USP28: variants seen among roughly 807,000 people sequenced by gnomAD.
USP28 encodes ubiquitin specific peptidase 28.
USP28 carries 113 observed loss-of-function variants against 145.0 expected under a neutral mutation model. The observed-to-expected ratio is 0.78, with a 90% CI of 0.67 to 0.91. The LOEUF (loss-of-function observed/expected upper bound fraction) is 0.91, where lower values mean the gene tolerates loss of function less well. Among genes scored for constraint, USP28 ranks in the 40% least tolerant of loss-of-function variants. The pLI is 0.00. For synonymous variants in USP28, 447 were observed against 450.9 expected (o/e 0.99, Z 0.11); for missense variants, 1,201 against 1,289.6 (o/e 0.93, Z 1.05).
intron 3 of USP28, 98 bp downstream of exon 3, chr11:113,852,403 T>C: frequency 4.8e-6 from 7 of 1,472,068 alleles, no homozygotes; most frequent in Non-Finnish European, 6.5e-6. Flanking sequence ...ACTATTATTT[T>C]CAAAGGGCTG....
chr11:113,828,099 T>A (rs1943579053), intron 10 of USP28, among the ~76,000 whole-genome samples: 1 of 152,240 alleles, frequency 6.6e-6, no homozygotes, highest in South Asian at 2.1e-4. Flanking sequence ...TCAATTCACC[T>A]GTATGTCTGA....
At chr11:113,866,164 C>T (rs970963024) in intron 1 of USP28, among the ~76,000 whole-genome samples, 8 of 152,074 alleles carry the variant, frequency 5.3e-5, no homozygotes, top group South Asian at 2.1e-4. Flanking sequence ...TGTTGGCACG[C>T]GCCTGTAATC....
At position 113,834,329 on chromosome 11, in the gene USP28, A is replaced by C. The variant is rs201169155; in HGVS notation, c.541T>G (p.Phe181Val). 41 of 1,607,822 alleles carry C rather than the reference A, an allele frequency of 2.6e-5. No homozygotes were observed. In the Middle Eastern group the frequency reaches 4.9e-4, roughly 19 times the overall value. ...AGTCTTCGAAATTCAGGCAATTGAAAGAGAGACTGAAATAAAGAAAGAAAG... is the reference window on the plus strand; with the variant it reads ...AGTCTTCGAAATTCAGGCAATTGAACGAGAGACTGAAATAAAGAAAGAAAG... Residue 181 changes from phenylalanine (F) to valine (V), a missense_variant, in exon 6 of 25, where the codon TTT (phenylalanine) becomes GTT (valine). Physicochemically the swap from Phe to Val is conservative, Grantham distance 50. Coordinates refer to ENST00000003302, the Ensembl canonical transcript of USP28.
intron 10 of USP28, among the ~76,000 whole-genome samples, chr11:113,828,105 T>C (rs1030691825): frequency 6.6e-6 from 1 of 152,244 alleles, no homozygotes; most frequent in African/African-American, 2.4e-5. Flanking sequence ...CACCTGTATG[T>C]CTGAGGTTCC....
At chr11:113,864,459 C>G (rs1948069500) in intron 1 of USP28, among the ~76,000 whole-genome samples, 1 of 152,016 alleles carries the variant, frequency 6.6e-6, no homozygotes, top group Non-Finnish European at 1.5e-5. Context: ...GCTGGAGAAC[C>G]AGGAGACCAG....
At chr11:113,797,943 A>G (rs1938210516) in exon 25 of USP28, 2 of 152,424 alleles carry the variant, frequency 1.3e-5, no homozygotes, top group African/African-American at 2.4e-5. Context: ...CCCTTTCATG[A>G]TTCCATTAAT....
chr11:113,854,302 T>C, exon 2 of USP28: 1 of 1,614,118 alleles, frequency 6.2e-7, no homozygotes, highest in Non-Finnish European at 8.5e-7. Context: ...ATGCCTGTGA[T>C]TTCTCTCAGT....
chr11:113,830,992 G>A, intron 8 of USP28, 49 bp from the exon 9 acceptor site: 3 of 1,594,332 alleles, frequency 1.9e-6, no homozygotes, highest in Non-Finnish European at 2.6e-6. Context: ...ATTAAGATAT[G>A]TGCTACATAA....
At position 113,799,303 on chromosome 11, in the gene USP28, T is replaced by C. The variant is rs150002191; in HGVS notation, c.3171A>G (p.Leu1057=). ...CCATGACAGCTGCAAATCGGCTACA[T>C]AGGTCATAGGGAGAATTGGGTCGAA... Residue 1057 remains leucine, a synonymous_variant, in exon 25 of 25, where the codon CTA becomes CTG. Coordinates refer to ENST00000003302, the Ensembl canonical transcript of USP28. 2.8e-4 allele frequency: 451 copies of C among 1,614,148 alleles called. 2 individuals are homozygous for C. Among genetic ancestry groups the C allele is most frequent in the African/African-American group, 1.7e-3 (128 of 75,050 alleles).
At chr11:113,801,432 A>C in intron 24 of USP28, 51 bp downstream of exon 25, 1 of 1,439,136 alleles carries the variant, frequency 6.9e-7, no homozygotes, top group South Asian at 1.6e-5. Context: ...GAGAACACTG[A>C]AATTTCTACA....
intron 16 of USP28, among the ~76,000 whole-genome samples, chr11:113,810,209 T>A (rs1940752095): frequency 6.6e-6 from 1 of 152,098 alleles, no homozygotes; most frequent in Non-Finnish European, 1.5e-5. Context: ...TTCAAAAAGG[T>A]TAGAGATGAA....
At chr11:113,811,766 G>A (rs1591523173) in intron 16 of USP28, among the ~76,000 whole-genome samples, 1 of 151,366 alleles carries the variant, frequency 6.6e-6, no homozygotes, top group South Asian at 2.1e-4. Context: ...ATAAGATGGG[G>A]CAAGAAAAAA....
intron 3 of USP28, among the ~76,000 whole-genome samples, chr11:113,845,423 A>G (rs1202286202): frequency 1.3e-5 from 2 of 150,650 alleles, no homozygotes; most frequent in Admixed American, 6.7e-5. Flanking sequence ...GCGAAAGGTA[A>G]AGACCCTGTC....
chr11:113,808,240 T>C (rs1940359527), intron 18 of USP28, 58 bp downstream of exon 18: 2 of 1,580,908 alleles, frequency 1.3e-6, no homozygotes, highest in African/African-American at 1.4e-5. Flanking sequence ...GTGAGAAAAC[T>C]GGCCATCGCT....
exon 16 of USP28, chr11:113,812,402 A>C (rs768994651): frequency 6.2e-7 from 1 of 1,614,112 alleles, no homozygotes; most frequent in Admixed American, 1.7e-5. Flanking sequence ...ATGTCATTGT[A>C]CTTGAGCCAG....
intron 1 of USP28, among the ~76,000 whole-genome samples, chr11:113,869,316 C>A (rs1159237877): frequency 6.6e-6 from 1 of 152,204 alleles, no homozygotes; most frequent in Non-Finnish European, 1.5e-5. Context: ...GTAATCCCAG[C>A]TACTTGGGAG....
chr11:113,827,163 T>A, intron 11 of USP28, 70 bp downstream of exon 11: 1 of 1,534,454 alleles, frequency 6.5e-7, no homozygotes, highest in Non-Finnish European at 8.8e-7. Context: ...CTACGCACAC[T>A]ATACTTAGTA....
At chr11:113,808,215 C>T in intron 18 of USP28, 79 bp from the exon 19 acceptor site, 1 of 1,561,142 alleles carries the variant, frequency 6.4e-7, no homozygotes, top group Non-Finnish European at 8.6e-7. Flanking sequence ...AGCAGAGACA[C>T]AGAATAATAG....
chr11:113,815,681 G>A (rs569491364), intron 13 of USP28, among the ~76,000 whole-genome samples: 8 of 152,196 alleles, frequency 5.3e-5, no homozygotes, highest in East Asian at 1.9e-4. Flanking sequence ...AAGCCAGATC[G>A]GCCAGTCTTT....
Sources: gnomAD v4.1 joint callset for allele counts (sites outside exome capture counted in the v4.1 genomes callset) on GRCh38, gnomAD v4.1.1 for gene constraint, MANE v1.5 for transcripts, NCBI Gene and HGNC (gene_info 2026-07-23, HGNC 2026-07-21) for gene names.